Variants in MACROH2A1 observed in about 807,000 individuals in gnomAD.
MACROH2A1 encodes core histone macro-H2A.1.
MACROH2A1 carries 2 observed loss-of-function variants against 31.6 expected under a neutral mutation model. The observed-to-expected ratio is 0.06, with a 90% CI of 0.03 to 0.20. The LOEUF is 0.20. Ranked by LOEUF, MACROH2A1 falls within the 10% of genes least tolerant of loss-of-function variation. The pLI is 1.00. For missense variants in MACROH2A1, 230 were observed against 474.0 expected, an observed-to-expected ratio of 0.49 and a Z score of 4.78; for synonymous variants, 169 against 189.6, an observed-to-expected ratio of 0.89 and a Z score of 0.89.
At chr5:135,388,882 C>A in intron 2 of MACROH2A1, 40 bp downstream of exon 2, 1 of 1,516,104 alleles carries the variant, frequency 6.6e-7, no homozygotes, top group East Asian at 2.3e-5. Flanking sequence ...ACTTCTGCAT[C>A]TTAAGCCAGT....
intron 4 of MACROH2A1, among the ~76,000 whole-genome samples, chr5:135,366,582 TAA>T (rs534419109): frequency 1.4e-5 from 2 of 143,238 alleles, no homozygotes; most frequent in Non-Finnish European, 1.5e-5. Flanking sequence ...GATTTTTATT[TAA>T]AAAAAAAAAA....
At chr5:135,349,063 A>G (rs1334882502) in intron 6 of MACROH2A1, among the ~76,000 whole-genome samples, 1 of 152,164 alleles carries the variant, frequency 6.6e-6, no homozygotes, top group African/African-American at 2.4e-5. Context: ...CCTATCTCAA[A>G]GCTGCAACTC....
chr5:135,350,609 TC>T, intron 6 of MACROH2A1: 1 of 486,896 alleles, frequency 2.1e-6, no homozygotes, highest in South Asian at 3.3e-5. Context: ...ACCAGAAATG[TC>T]CATTTGTGAG....
At position 135,334,870 on chromosome 5, in the gene MACROH2A1, T is replaced by C; in HGVS notation, c.*106A>G. On this transcript the variant is annotated 3_prime_UTR_variant, in exon 9 of 9. Transcript: ENST00000511689. Reference sequence around the variant, plus strand: ...CTTATTTTCCCTAGATGAGCAAAACTGAAAATGAAAGGGGTCCCACCTCCC... The same window carrying C: ...CTTATTTTCCCTAGATGAGCAAAACCGAAAATGAAAGGGGTCCCACCTCCC... The C allele has an allele frequency of 1.1e-6, 1 of 942,872 alleles. No homozygotes were observed. The highest frequency in any genetic ancestry group is 1.6e-6 in the Non-Finnish European group (1 of 614,352). 58.4% of individuals were successfully genotyped at this position (942,872 alleles called of 1,614,324 possible). A position where few individuals can be genotyped will look rare whatever the true frequency, so the allele number is the denominator to read the frequency against.
chr5:135,359,820 A>C, intron 5 of MACROH2A1: 1 of 956,178 alleles, frequency 1.0e-6, no homozygotes, highest in Non-Finnish European at 1.2e-6. Context: ...ATGTCAATAA[A>C]GAAATATTAG....
In MACROH2A1 at chr5:135,334,860, T is replaced by C. The variant is rs979471312; in HGVS notation, c.*116A>G. 1.1e-5 allele frequency: 9 copies of C among 856,188 alleles called. No individual in the cohort carries two copies. Among genetic ancestry groups the C allele is most frequent in the Non-Finnish European group, 1.7e-5 (9 of 536,454 alleles). 53.0% of individuals were successfully genotyped at this position (856,188 alleles called of 1,614,324 possible). A position where few individuals can be genotyped will look rare whatever the true frequency, so the allele number is the denominator to read the frequency against. On this transcript the variant is annotated 3_prime_UTR_variant, in exon 9 of 9. Coordinates refer to ENST00000511689, the MANE Select transcript of MACROH2A1 (RefSeq NM_138610.3). Reference sequence around the variant, plus strand: ...AAACCAAAGCCTTATTTTCCCTAGATGAGCAAAACTGAAAATGAAAGGGGT... The same window carrying C: ...AAACCAAAGCCTTATTTTCCCTAGACGAGCAAAACTGAAAATGAAAGGGGT...
rs1196202334 is a variant in MACROH2A1 at position 135,398,874 on chromosome 5, G to T, written c.-34+188C>A. On this transcript the variant is annotated intron_variant, in intron 1 of 8. Transcript: ENST00000511689. The surrounding 1 kb of genome is among the most constrained non-coding windows in gnomAD (Gnocchi z 4.6). The stretch of plus-strand genomic sequence containing the variant: ...AACAAAACCAAAGGGAATCCCGCGC[G>T]GCCCGACAAGGCCTGGGAGGACGTA... Among the ~76,000 whole-genome samples the T allele has an allele frequency of 2.6e-5, 4 of 151,986 alleles. No individual in the cohort carries two copies. The East Asian group carries it at 7.8e-4, about 30-fold the overall frequency.
chr5:135,377,577 C>T (rs1307788510), intron 2 of MACROH2A1, among the ~76,000 whole-genome samples: 1 of 152,164 alleles, frequency 6.6e-6, no homozygotes, highest in Non-Finnish European at 1.5e-5. Flanking sequence ...CGTCTGCAAT[C>T]GGGCTACACA....
intron 5 of MACROH2A1, chr5:135,358,685 T>A (rs73292691): frequency 0.016 from 15,002 of 940,564 alleles, 649 homozygotes; most frequent in African/African-American, 0.14. Flanking sequence ...TCTCCATTTT[T>A]AAAAATAACA....
At chr5:135,393,429 C>T (rs902912042) in intron 1 of MACROH2A1, among the ~76,000 whole-genome samples, 5 of 152,250 alleles carry the variant, frequency 3.3e-5, no homozygotes, top group African/African-American at 7.2e-5. Flanking sequence ...CCAATCTGAA[C>T]GCTGACCCTA....
chr5:135,341,947 C>A (rs1759956705), intron 8 of MACROH2A1, among the ~76,000 whole-genome samples: 1 of 152,214 alleles, frequency 6.6e-6, no homozygotes, highest in Non-Finnish European at 1.5e-5. Flanking sequence ...AGAAGGCTCA[C>A]AAGCTGGGAT....
upstream of MACROH2A1, chr5:135,399,875 T>C (rs967896756): frequency 2.6e-5 from 4 of 152,274 alleles, no homozygotes; most frequent in African/African-American, 7.2e-5. The surrounding 1 kb of genome is among the most constrained non-coding windows in gnomAD (Gnocchi z 4.5). Flanking sequence ...TGGGAATTAC[T>C]AATGTAGACA....
chr5:135,358,529 G>A (rs1762448915), intron 5 of MACROH2A1: 1 of 985,152 alleles, frequency 1.0e-6, no homozygotes, highest in Non-Finnish European at 1.2e-6. Flanking sequence ...AGAAGGCTAG[G>A]TGGTCTGTCT....
intron 8 of MACROH2A1, 196 bp downstream of exon 8, chr5:135,343,064 T>C (rs1406968293): frequency 6.7e-6 from 9 of 1,333,984 alleles, no homozygotes; most frequent in Non-Finnish European, 9.1e-6. Flanking sequence ...TTTTATATCA[T>C]CCTTGGGATT....
intron 1 of MACROH2A1, among the ~76,000 whole-genome samples, chr5:135,390,822 A>G (rs1327679281): frequency 6.6e-6 from 1 of 152,152 alleles, no homozygotes; most frequent in African/African-American, 2.4e-5. Flanking sequence ...TGCATCTCAA[A>G]TCATCTGGGA....
chr5:135,368,379 A>G (rs1228051277), intron 4 of MACROH2A1, among the ~76,000 whole-genome samples: 1 of 152,218 alleles, frequency 6.6e-6, no homozygotes, highest in Non-Finnish European at 1.5e-5. Flanking sequence ...CACTCAGGTG[A>G]GAGGATTTGG....
At chr5:135,340,931 T>A (rs536812318) in intron 8 of MACROH2A1, among the ~76,000 whole-genome samples, 2 of 152,356 alleles carry the variant, frequency 1.3e-5, no homozygotes, top group Non-Finnish European at 2.9e-5. Context: ...CATTTCCCCC[T>A]CTTCAAGCTT....
chr5:135,387,283 C>T (rs1178914836), intron 2 of MACROH2A1, among the ~76,000 whole-genome samples: 1 of 152,186 alleles, frequency 6.6e-6, no homozygotes, highest in Admixed American at 6.5e-5. Flanking sequence ...AGAGTCTTTG[C>T]TAAGCAGAAA....
chr5:135,381,538 C>G (rs557017382), intron 2 of MACROH2A1, among the ~76,000 whole-genome samples: 1 of 151,968 alleles, frequency 6.6e-6, no homozygotes, highest in African/African-American at 2.4e-5. Flanking sequence ...TCACTTGAGC[C>G]CAGAAGACAG....
Sources: allele counts gnomAD v4.1 joint callset (sites outside exome capture counted in the v4.1 genomes callset), GRCh38; gene constraint gnomAD v4.1.1; non-coding constraint Gnocchi (gnomAD v3.1); transcripts MANE v1.5; gene names NCBI Gene and HGNC (gene_info 2026-07-23, HGNC 2026-07-21).